The following EXOC4 variants were observed in gnomAD, a reference collection of about 807,000 sequenced individuals.
EXOC4 encodes SEC8-like 1.
Under a neutral mutation model 107.2 loss-of-function variants are expected in EXOC4, and 71 were observed. The observed-to-expected ratio is 0.66, with a 90% CI of 0.55 to 0.81. The LOEUF (loss-of-function observed/expected upper bound fraction) is 0.81. Ranked by LOEUF, EXOC4 falls within the 30% of genes least tolerant of loss-of-function variation. The pLI is 0.00. For synonymous variants in EXOC4, 456 were observed against 441.2 expected, an observed-to-expected ratio of 1.03 and a Z score of -0.42; for missense variants, 1,108 against 1,189.6, an observed-to-expected ratio of 0.93 and a Z score of 1.01.
intron 7 of EXOC4, among the ~76,000 whole-genome samples, chr7:133,430,166 G>A (rs183505024): frequency 6.6e-6 from 1 of 152,316 alleles, no homozygotes; most frequent in African/African-American, 2.4e-5. Flanking sequence ...AAAGGAGATG[G>A]AGTGGAAAGA....
intron 10 of EXOC4, among the ~76,000 whole-genome samples, chr7:133,762,800 A>G (rs1796060290): frequency 6.6e-6 from 1 of 152,190 alleles, no homozygotes; most frequent in South Asian, 2.1e-4. Flanking sequence ...AATAGTATGT[A>G]CAATATGATA....
At chr7:133,417,109 A>G (rs1221454829) in intron 7 of EXOC4, among the ~76,000 whole-genome samples, 1 of 152,186 alleles carries the variant, frequency 6.6e-6, no homozygotes, top group Non-Finnish European at 1.5e-5. Context: ...CAGGGTGTGT[A>G]ATAGAAGGGA....
intron 10 of EXOC4, among the ~76,000 whole-genome samples, chr7:133,801,131 C>G (rs1425562277): frequency 6.6e-6 from 1 of 152,118 alleles, no homozygotes; most frequent in Admixed American, 6.6e-5. Flanking sequence ...GTGCCTATTA[C>G]AGGATAATGA....
intron 17 of EXOC4, among the ~76,000 whole-genome samples, chr7:134,017,344 A>G (rs4731992): frequency 0.85 from 128,941 of 152,146 alleles, 55,132 homozygotes; most frequent in African/African-American, 0.96. Flanking sequence ...TAAAAAGCTA[A>G]CCCTGATTTT....
At chr7:133,971,384 AG>A in intron 14 of EXOC4, among the ~76,000 whole-genome samples, 2 of 143,110 alleles carry the variant, frequency 1.4e-5, no homozygotes, top group Admixed American at 7.1e-5. Flanking sequence ...AGAGAGAGAG[AG>A]AGAGAGAGAG....
At chr7:134,008,141 A>G (rs982313808) in intron 17 of EXOC4, among the ~76,000 whole-genome samples, 2 of 152,154 alleles carry the variant, frequency 1.3e-5, no homozygotes. Flanking sequence ...ATAAGATAAG[A>G]TACAAAGAAG....
downstream of EXOC4, chr7:134,066,039 C>CTG (rs1796170643): frequency 6.6e-6 from 1 of 152,210 alleles, no homozygotes; most frequent in Admixed American, 6.6e-5. Flanking sequence ...GTCAATCTGT[C>CTG]TGGCTCCAAG....
chr7:133,653,609 A>C (rs1803215539), intron 10 of EXOC4, among the ~76,000 whole-genome samples: 1 of 152,142 alleles, frequency 6.6e-6, no homozygotes, highest in South Asian at 2.1e-4. Flanking sequence ...ATTCCTTGTA[A>C]ACTGTCCAAA....
the EXOC4 span, among the ~76,000 whole-genome samples, chr7:134,079,845 C>T: frequency 6.6e-6 from 1 of 152,198 alleles, no homozygotes; most frequent in African/African-American, 2.4e-5. Flanking sequence ...CAGTCCCAGC[C>T]TGCCTCAGAG....
chr7:133,941,288 C>A (rs748113750), intron 14 of EXOC4, among the ~76,000 whole-genome samples: 44 of 152,060 alleles, frequency 2.9e-4, no homozygotes, highest in Non-Finnish European at 5.0e-4. Flanking sequence ...TGAGCCACTG[C>A]GCCTGGCCGA....
intron 10 of EXOC4, among the ~76,000 whole-genome samples, chr7:133,650,319 G>GA (rs1249381895): frequency 1.9e-4 from 29 of 151,936 alleles, no homozygotes; most frequent in Non-Finnish European, 3.1e-4. Context: ...AAGGAAAAAG[G>GA]AAAAAAGGCT....
downstream of EXOC4, among the ~76,000 whole-genome samples, chr7:134,069,433 CCTCCTTCTCCTGCTCCTCCTCCTT>C (rs1295018557): frequency 1.6e-4 from 24 of 150,194 alleles, no homozygotes; most frequent in African/African-American, 5.6e-4. Context: ...CTCTTCTCCT[CCTCCTTCTCCTGCTCCTCCTCCTT>C]CTCCTTCCTC....
intron 13 of EXOC4, among the ~76,000 whole-genome samples, chr7:133,928,083 T>G (rs1265613360): frequency 6.6e-6 from 1 of 152,230 alleles, no homozygotes; most frequent in African/African-American, 2.4e-5. Flanking sequence ...TAATTTGTTT[T>G]CTAAATTTCA....
At chr7:133,969,765 G>A in intron 14 of EXOC4, among the ~76,000 whole-genome samples, 1 of 152,210 alleles carries the variant, frequency 6.6e-6, no homozygotes, top group East Asian at 1.9e-4. Flanking sequence ...CCTGTATGAG[G>A]TGTCTGTCGA....
rs372703804 is a variant in EXOC4 at position 134,057,211 on chromosome 7, T to G, written c.2688-7080T>G. On this transcript the variant is annotated intron_variant, in intron 17 of 17. Transcript: ENST00000253861. ...CGATCAAAGAAGACCGAGCAAGCCT[T>G]AAAGAACAGACTCCCAGGCTATCTT... Among the ~76,000 whole-genome samples the G allele has an allele frequency of 2.1e-4, 32 of 152,290 alleles. 1 individual carries two copies. In the South Asian group the frequency reaches 6.6e-3, roughly 32 times the overall value.
chr7:133,344,007 G>A (rs1377570369), intron 5 of EXOC4, among the ~76,000 whole-genome samples: 1 of 151,820 alleles, frequency 6.6e-6, no homozygotes, highest in East Asian at 1.9e-4. Flanking sequence ...TGTAGAGATG[G>A]GGTCTCACTA....
chr7:133,937,390 C>T (rs1162981699), intron 13 of EXOC4, among the ~76,000 whole-genome samples: 1 of 152,176 alleles, frequency 6.6e-6, no homozygotes, highest in Non-Finnish European at 1.5e-5. Context: ...TGAAGCCTGT[C>T]ATCCATCTCA....
At position 133,536,666 on chromosome 7, in the gene EXOC4, G is replaced by A. The variant is rs536794773; in HGVS notation, c.1417+56528G>A. Among the ~76,000 whole-genome samples the A allele has an allele frequency of 1.8e-4, 28 of 151,940 alleles. 1 individual carries two copies. The South Asian group carries it at 5.8e-3, about 32-fold the overall frequency. ...TGAATAACAGAGACTCAGCATAATA[G>A]TGATGTAACAAGACAGAATTTTATT... is the stretch of plus-strand genomic sequence containing the variant. On this transcript the variant is annotated intron_variant, in intron 9 of 17. Coordinates refer to ENST00000253861, the MANE Select transcript of EXOC4 (RefSeq NM_021807.4).
At chr7:133,365,978 C>CATAACCCTGAT (rs1458934113) in intron 6 of EXOC4, among the ~76,000 whole-genome samples, 2 of 152,122 alleles carry the variant, frequency 1.3e-5, no homozygotes, top group Non-Finnish European at 2.9e-5. Context: ...TGGGGAAAAG[C>CATAACCCTGAT]ATAACCCTGA....
Sources: gnomAD v4.1 joint callset for allele counts (sites outside exome capture counted in the v4.1 genomes callset) on GRCh38, gnomAD v4.1.1 for gene constraint, MANE v1.5 for transcripts, NCBI Gene and HGNC (gene_info 2026-07-23, HGNC 2026-07-21) for gene names.